ALPK2: variants seen among roughly 807,000 people sequenced by gnomAD.
ALPK2 encodes alpha kinase 2.
A neutral mutation model predicts 163.1 loss-of-function variants in ALPK2; 127 were observed. That is an observed-to-expected ratio of 0.78 (90% CI 0.67 to 0.90). The LOEUF (loss-of-function observed/expected upper bound fraction) is 0.90, where lower values mean the gene tolerates loss of function less well. Ranked by LOEUF, ALPK2 falls within the 40% of genes least tolerant of loss-of-function variation. The pLI is 0.00. For missense variants in ALPK2, 2,360 were observed against 2,589.6 expected (o/e 0.91, Z 1.92); for synonymous variants, 953 against 959.1 (o/e 0.99, Z 0.12).
chr18:58,522,788 A>G (rs1290140053), intron 8 of ALPK2, among the ~76,000 whole-genome samples: 1 of 152,186 alleles, frequency 6.6e-6, no homozygotes, highest in Non-Finnish European at 1.5e-5. Flanking sequence ...CGTGTTCCCC[A>G]AAACTCCACT....
At chr18:58,512,958 A>G (rs180843384) in intron 10 of ALPK2, among the ~76,000 whole-genome samples, 380 of 60,460 alleles carry the variant, frequency 6.3e-3, no homozygotes, top group Middle Eastern at 0.016. Flanking sequence ...TGTGTGTTGT[A>G]TGTGTGGTGT....
chr18:58,591,795 G>A (rs1158693688), intron 3 of ALPK2, among the ~76,000 whole-genome samples: 1 of 152,194 alleles, frequency 6.6e-6, no homozygotes. Context: ...GTTGTTCACT[G>A]TTTAAACAGG....
chr18:58,597,664 C>T (rs1455683743), intron 3 of ALPK2, among the ~76,000 whole-genome samples: 1 of 152,176 alleles, frequency 6.6e-6, no homozygotes, highest in Non-Finnish European at 1.5e-5. Flanking sequence ...CTGTCCACCC[C>T]CACTGGCTCA....
chr18:58,485,565 G>A (rs7227487), intron 12 of ALPK2, among the ~76,000 whole-genome samples: 41,464 of 152,148 alleles, frequency 0.27, 5,808 homozygotes, highest in African/African-American at 0.29. Context: ...AAGCTTTCTC[G>A]TTGAAGAAAA....
At chr18:58,528,429 G>A (rs951400451) in intron 6 of ALPK2, among the ~76,000 whole-genome samples, 12 of 152,090 alleles carry the variant, frequency 7.9e-5, no homozygotes, top group African/African-American at 2.7e-4. Flanking sequence ...CTAGGTACTC[G>A]GGAGGCTGAG....
At chr18:58,516,623 A>G (rs1307435564) in intron 9 of ALPK2, among the ~76,000 whole-genome samples, 1 of 152,204 alleles carries the variant, frequency 6.6e-6, no homozygotes, top group East Asian at 1.9e-4. Flanking sequence ...TCAAACCGCC[A>G]GGGATGTCAT....
At chr18:58,514,951 A>G (rs750718430) in intron 10 of ALPK2, 42 bp downstream of exon 10, 5 of 1,510,530 alleles carry the variant, frequency 3.3e-6, no homozygotes, top group East Asian at 2.3e-5. Flanking sequence ...CTAGTCCCCA[A>G]CGAGTCAGGA....
chr18:58,553,622 T>G (rs1268257557), intron 4 of ALPK2, among the ~76,000 whole-genome samples: 1 of 152,160 alleles, frequency 6.6e-6, no homozygotes, highest in Non-Finnish European at 1.5e-5. Flanking sequence ...GCTGTTCTCA[T>G]GATAGTGACT....
Position 58,579,204 on chromosome 18 carries a change from G to T in ALPK2, c.1572C>A (p.Asp524Glu). Residue 524 changes from aspartate to glutamate, a missense_variant, in exon 4 of 13, where the codon GAC becomes GAA. Asp to Glu is a conservative substitution (Grantham distance 45). Transcript: ENST00000361673. ...TAADKRVGGK[D>E]LWSKRGSRKS... ...TCCTTGAACCCCTCTTGCTCCATAA[G>T]TCCTTTCCCCCCACTCTCTTGTCAG... is the stretch of plus-strand genomic sequence containing the variant. 3 of 1,614,012 alleles carry T rather than the reference G, an allele frequency of 1.9e-6. No individual in the cohort carries two copies. Among genetic ancestry groups the T allele is most frequent in the Non-Finnish European group, 2.5e-6 (3 of 1,179,976 alleles).
chr18:58,564,672 G>A (rs1011334986), intron 4 of ALPK2, among the ~76,000 whole-genome samples: 14 of 151,698 alleles, frequency 9.2e-5, no homozygotes, highest in East Asian at 1.9e-4. Flanking sequence ...GGGATTCACA[G>A]GACCTCACTG....
intron 3 of ALPK2, among the ~76,000 whole-genome samples, chr18:58,604,586 C>T (rs1040762677): frequency 6.6e-6 from 1 of 152,204 alleles, no homozygotes; most frequent in Admixed American, 6.5e-5. Context: ...GAACTTCCCA[C>T]GATCATTAGT....
chr18:58,572,503 G>C (rs140124195), intron 4 of ALPK2, among the ~76,000 whole-genome samples: 1,528 of 152,274 alleles, frequency 0.01, 24 homozygotes, highest in African/African-American at 0.033. Context: ...TCTTCAACCA[G>C]TGAAAGACTA....
At position 58,504,220 on chromosome 18, in the gene ALPK2, C is replaced by G. The variant is rs550304244; in HGVS notation, c.6030-72G>C. The stretch of plus-strand genomic sequence containing the variant: ...AGAGAGGCTCCTGCGGCATTCTACT[C>G]TCTCCTGGAGCAGCACGGAGCATAG... On this transcript the variant is annotated intron_variant, in intron 10 of 12. Coordinates refer to ENST00000361673, the MANE Select transcript of ALPK2 (RefSeq NM_052947.4). The G allele has an allele frequency of 2.2e-5, 29 of 1,310,438 alleles. No homozygotes were observed. The South Asian group carries it at 2.4e-4, about 11-fold the overall frequency. The allele number at this position is 1,310,438 out of a possible 1,614,324, so 81.2% of individuals were successfully genotyped here.
chr18:58,564,271 C>T (rs1011723226), intron 4 of ALPK2, among the ~76,000 whole-genome samples: 4 of 151,670 alleles, frequency 2.6e-5, no homozygotes, highest in South Asian at 4.2e-4. Context: ...TACAGACATG[C>T]GCTACCACAC....
intron 4 of ALPK2, among the ~76,000 whole-genome samples, chr18:58,570,349 A>G (rs76222900): frequency 0.12 from 17,929 of 152,256 alleles, 1,137 homozygotes; most frequent in East Asian, 0.17. Flanking sequence ...ATGCCCTAAA[A>G]ACATTTACTA....
intron 9 of ALPK2, 58 bp downstream of exon 9, chr18:58,516,850 G>T: frequency 1.3e-6 from 2 of 1,563,480 alleles, no homozygotes; most frequent in Non-Finnish European, 8.8e-7. Flanking sequence ...TTTTCATCTC[G>T]TCTTATCATG....
chr18:58,528,939 G>A (rs968559799), intron 6 of ALPK2, 152 bp downstream of exon 6: 27 of 936,998 alleles, frequency 2.9e-5, no homozygotes, highest in Middle Eastern at 6.6e-4. Context: ...CTTGTCTTCC[G>A]ATATTTAGTC....
Position 58,481,771 on chromosome 18 carries a change from CCTGGCGAGATTGTGTG to C in ALPK2, c.*36_*51del. ...CTCTCCTGTGTGGCCTCAGATTTTC[CCTGGCGAGATTGTGTG>C]CTGCTAGCCAGTGGCCATTAGGTTA... is the stretch of plus-strand genomic sequence containing the variant. On this transcript the variant is annotated 3_prime_UTR_variant, in exon 13 of 13. Coordinates refer to ENST00000361673, the MANE Select transcript of ALPK2 (RefSeq NM_052947.4). 1 of 1,467,478 alleles carries C rather than the reference CCTGGCGAGATTGTGTG, an allele frequency of 6.8e-7. No homozygotes were observed. The allele number at this position is 1,467,478 out of a possible 1,614,324, so 90.9% of individuals were successfully genotyped here.
chr18:58,627,177 G>A (rs898811040), intron 1 of ALPK2, among the ~76,000 whole-genome samples: 4 of 152,166 alleles, frequency 2.6e-5, no homozygotes, highest in African/African-American at 9.6e-5. Context: ...TCGCATCACA[G>A]GGGCTGATAC....
Sources: allele counts gnomAD v4.1 joint callset (sites outside exome capture counted in the v4.1 genomes callset), GRCh38; gene constraint gnomAD v4.1.1; transcripts MANE v1.5; gene names NCBI Gene and HGNC (gene_info 2026-07-23, HGNC 2026-07-21).